The following PA2G4 variants were observed in gnomAD, a reference collection of about 807,000 sequenced individuals.
The protein encoded by PA2G4 is proliferation-associated protein 2G4.
In PA2G4, 8 loss-of-function variants were observed where a neutral mutation model predicts 53.3. That is an observed-to-expected ratio of 0.15 (90% CI 0.09 to 0.27). PA2G4 has a LOEUF of 0.27. PA2G4 is among the 10% of genes least tolerant of loss of function. The probability of loss-of-function intolerance (pLI) is 1.00; values close to 1 mark genes in which losing one functional copy is unlikely to be tolerated. For missense variants in PA2G4, 208 were observed against 486.8 expected (o/e 0.43, Z 5.39); for synonymous variants, 143 against 169.8 (o/e 0.84, Z 1.23).
intron 5 of PA2G4, 36 bp downstream of exon 5, chr12:56,107,649 A>T: frequency 1.4e-6 from 2 of 1,446,364 alleles, no homozygotes; most frequent in East Asian, 4.5e-5. Context: ...GCTCGTTTGA[A>T]CCAAAGATGC....
At chr12:56,107,442 G>C in intron 4 of PA2G4, 79 bp from the exon 5 acceptor site, 5 of 1,114,646 alleles carry the variant, frequency 4.5e-6, no homozygotes, top group Non-Finnish European at 6.9e-6. Flanking sequence ...TCGCATATGG[G>C]CTCACAGATA....
chr12:56,112,704 C>T, intron 12 of PA2G4, 119 bp from the exon 13 acceptor site: 1 of 711,216 alleles, frequency 1.4e-6, no homozygotes, highest in Non-Finnish European at 2.4e-6. Context: ...CACTGCACTC[C>T]AGCCTGGAAA....
intron 2 of PA2G4, 104 bp downstream of exon 2, chr12:56,106,820 G>C: frequency 6.9e-7 from 1 of 1,450,376 alleles, no homozygotes; most frequent in Non-Finnish European, 9.3e-7. Flanking sequence ...CCCAGCTCTG[G>C]CTGAGGTATT....
At chr12:56,112,686 A>C in intron 12 of PA2G4, 137 bp from the exon 13 acceptor site, 2 of 616,710 alleles carry the variant, frequency 3.2e-6, no homozygotes, top group Non-Finnish European at 5.6e-6. Context: ...AGCCCAGGGA[A>C]GTGGTACCAC....
chr12:56,113,608 C>T lies in PA2G4; in HGVS notation c.*720C>T, dbSNP rs1246807109. On this transcript the variant is annotated 3_prime_UTR_variant, in exon 13 of 13. Transcript: ENST00000303305. ...GGAGTCAGTGGGGTCTTTCCTCGCT[C>T]CATCTTACACAGACCTGAGCTGGAA... The T allele has an allele frequency of 1.0e-5, 5 of 483,316 alleles. No homozygotes were observed. Among genetic ancestry groups the T allele is most frequent in the East Asian group, 9.6e-5 (3 of 31,294 alleles). 29.9% of individuals were successfully genotyped at this position (483,316 alleles called of 1,614,324 possible). A position where few individuals can be genotyped will look rare whatever the true frequency, so the allele number is the denominator to read the frequency against.
In PA2G4 at chr12:56,113,433, C is replaced by G. The variant is rs1869474254; in HGVS notation, c.*545C>G. On this transcript the variant is annotated 3_prime_UTR_variant, in exon 13 of 13. Transcript: ENST00000303305. ...CGATTCCTCATCTGATTCAGGCTGT[C>G]CAGTCAGGCCCCTCCCATTTTAGGA... The G allele has an allele frequency of 5.4e-6, 1 of 186,690 alleles. No individual in the cohort carries two copies. Among genetic ancestry groups the G allele is most frequent in the African/African-American group, 2.3e-5 (1 of 42,584 alleles). The allele number at this position is 186,690 out of a possible 1,614,324, so 11.6% of individuals were successfully genotyped here. A position where few individuals can be genotyped will look rare whatever the true frequency, so the allele number is the denominator to read the frequency against.
At position 56,106,969 on chromosome 12, in the gene PA2G4, CTGA is replaced by C; in HGVS notation, c.218-16_218-14del. On this transcript the variant is annotated intron_variant, in intron 2 of 12. Coordinates refer to ENST00000303305, the MANE Select transcript of PA2G4 (RefSeq NM_006191.3). ...TCCCGGGAGACAGCAAGGCAGTAGG[CTGA>C]TGATTCTTTCTTTACAGGTATTGCT... 1 of 1,577,016 alleles carries C rather than the reference CTGA, an allele frequency of 6.3e-7. No individual in the cohort carries two copies. Among genetic ancestry groups the C allele is most frequent in the Non-Finnish European group, 8.7e-7 (1 of 1,147,646 alleles).
At position 56,112,384 on chromosome 12, in the gene PA2G4, G is replaced by A. The variant is rs571712969; in HGVS notation, c.1120-439G>A. Among the ~76,000 whole-genome samples the A allele has an allele frequency of 2.0e-5, 3 of 152,322 alleles. No homozygotes were observed. In the South Asian group the frequency reaches 6.2e-4, roughly 32 times the overall value. On this transcript the variant is annotated intron_variant, in intron 12 of 12. Coordinates refer to ENST00000303305, the MANE Select transcript of PA2G4 (RefSeq NM_006191.3). ...ATATCCATATTGCTTTCACGCCATT[G>A]TGAAGTTGAAAAATCACAAGTTGAC... is the stretch of plus-strand genomic sequence containing the variant.
chr12:56,105,190 G>A lies in PA2G4; in HGVS notation c.88+365G>A, dbSNP rs1592234728. 6.0e-6 allele frequency: 3 copies of A among 497,002 alleles called. No homozygotes were observed. In the East Asian group the frequency reaches 1.7e-4, roughly 28 times the overall value. The allele number at this position is 497,002 out of a possible 1,614,324, so 30.8% of individuals were successfully genotyped here. ...GGCGAGGCCACCTCGAAAAGGAAGC[G>A]CCCAGCTATTGGCGACAGAAGTGCC... On this transcript the variant is annotated intron_variant, in intron 1 of 12. Coordinates refer to ENST00000303305, the MANE Select transcript of PA2G4 (RefSeq NM_006191.3).
Position 56,104,733 on chromosome 12 carries a change from G to A in PA2G4, c.-5G>A. ...AAACGAGGCTGCAGTGGTGGTAGTA[G>A]GAAGATGTCGGGCGAGGACGAGCAA... On this transcript the variant is annotated 5_prime_UTR_variant, in exon 1 of 13. Coordinates refer to ENST00000303305, the MANE Select transcript of PA2G4 (RefSeq NM_006191.3). 6.2e-7 allele frequency: 1 copy of A among 1,613,618 alleles called. No homozygotes were observed. Among genetic ancestry groups the A allele is most frequent in the South Asian group, 1.1e-5 (1 of 91,048 alleles).
chr12:56,106,954 C>A, intron 2 of PA2G4, 36 bp from the exon 3 acceptor site: 1 of 1,536,212 alleles, frequency 6.5e-7, no homozygotes. Flanking sequence ...TCCCGGGAGA[C>A]AGCAAGGCAG....
Position 56,106,658 on chromosome 12 carries a change from T to C in PA2G4, c.159T>C (p.Asp53=). The stretch of plus-strand genomic sequence containing the variant: ...TACTGAGCCTGTGTGAGAAAGGTGA[T>C]GCCATGATTATGGAAGAAACAGGGA... The part of the protein sequence containing the change: ...VSVLSLCEKG[D]AMIMEETGKI... Residue 53 remains aspartate (D), a synonymous_variant, in exon 2 of 13, where the codon GAT becomes GAC. Coordinates refer to ENST00000303305, the MANE Select transcript of PA2G4 (RefSeq NM_006191.3). 6.2e-7 allele frequency: 1 copy of C among 1,605,966 alleles called. No individual in the cohort carries two copies. The highest frequency in any genetic ancestry group is 8.5e-7 in the Non-Finnish European group (1 of 1,178,088).
At chr12:56,109,690 A>T (rs1869378205) in intron 6 of PA2G4, among the ~76,000 whole-genome samples, 167 bp from the exon 7 acceptor site, 1 of 151,996 alleles carries the variant, frequency 6.6e-6, no homozygotes, top group Non-Finnish European at 1.5e-5. Context: ...TCCCTTGAAG[A>T]TCTATCCTGG....
chr12:56,106,534 G>A, intron 1 of PA2G4, 54 bp from the exon 2 acceptor site: 1 of 1,456,070 alleles, frequency 6.9e-7, no homozygotes, highest in Non-Finnish European at 9.1e-7. Context: ...TTCCTTGGGT[G>A]GTAACTAGAC....
intron 5 of PA2G4, among the ~76,000 whole-genome samples, chr12:56,107,898 A>T (rs1869334626): frequency 6.6e-6 from 1 of 152,034 alleles, no homozygotes; most frequent in African/African-American, 2.4e-5. Context: ...GCGTGGTAAC[A>T]TGTGCCTGTA....
chr12:56,113,610 A>T lies in PA2G4; in HGVS notation c.*722A>T. The T allele has an allele frequency of 3.6e-6, 2 of 554,038 alleles. No individual in the cohort carries two copies. Among genetic ancestry groups the T allele is most frequent in the South Asian group, 4.9e-5 (2 of 40,644 alleles). The allele number at this position is 554,038 out of a possible 1,614,324, so 34.3% of individuals were successfully genotyped here. ...AGTCAGTGGGGTCTTTCCTCGCTCC[A>T]TCTTACACAGACCTGAGCTGGAAGC... On this transcript the variant is annotated 3_prime_UTR_variant, in exon 13 of 13. Coordinates refer to ENST00000303305, the MANE Select transcript of PA2G4 (RefSeq NM_006191.3).
Position 56,110,665 on chromosome 12 carries a change from G to A in PA2G4, c.815G>A (p.Arg272His). Residue 272 changes from arginine (R) to histidine (H), a missense_variant, in exon 9 of 13, where the codon CGT (arginine) becomes CAT (histidine). By Grantham distance (29) the Arg-to-His change is conservative. Around this residue, in one of 3 missense-constraint regions of PA2G4, gnomAD observed 143 missense variants for 386.8 expected, o/e 0.37. Coordinates refer to ENST00000303305, the MANE Select transcript of PA2G4 (RefSeq NM_006191.3). ...SRAFFSEVER[R>H]FDAMPFTLRA... Reference sequence around the variant, plus strand: ...GCCTTCTTCAGTGAGGTGGAAAGGCGTTTTGATGCCATGCCGTTTACTTTA... The same window carrying A: ...GCCTTCTTCAGTGAGGTGGAAAGGCATTTTGATGCCATGCCGTTTACTTTA... The A allele has an allele frequency of 1.2e-6, 2 of 1,614,168 alleles. No homozygotes were observed. Among genetic ancestry groups the A allele is most frequent in the Non-Finnish European group, 1.7e-6 (2 of 1,180,014 alleles).
chr12:56,108,448 G>A (rs879333238), intron 5 of PA2G4, among the ~76,000 whole-genome samples: 21 of 152,274 alleles, frequency 1.4e-4, no homozygotes, highest in Non-Finnish European at 2.8e-4. Context: ...TCAGCTTGAT[G>A]CTACATTCAG....
At chr12:56,109,542 C>A (rs1178492090) in intron 6 of PA2G4, among the ~76,000 whole-genome samples, 1 of 151,406 alleles carries the variant, frequency 6.6e-6, no homozygotes, top group Non-Finnish European at 1.5e-5. Flanking sequence ...ATCGCTTGAA[C>A]CCGGGAGGAG....
Sources: allele counts gnomAD v4.1 joint callset (sites outside exome capture counted in the v4.1 genomes callset), GRCh38; gene constraint gnomAD v4.1.1; regional missense constraint gnomAD v4.1.1; transcripts MANE v1.5; gene names NCBI Gene and HGNC (gene_info 2026-07-23, HGNC 2026-07-21).